The following ASTN2 variants were observed in gnomAD, a reference collection of about 807,000 sequenced individuals.
ASTN2 encodes astrotactin-2.
ASTN2 carries 54 observed loss-of-function variants against 139.8 expected under a neutral mutation model. That is an observed-to-expected ratio of 0.39 (90% CI 0.31 to 0.48). The LOEUF (loss-of-function observed/expected upper bound fraction) is 0.48, where lower values mean the gene tolerates loss of function less well. Among genes scored for constraint, ASTN2 ranks in the 20% least tolerant of loss-of-function variants. The probability of loss-of-function intolerance (pLI) is 0.95; values close to 1 mark genes in which losing one functional copy is unlikely to be tolerated. For missense variants in ASTN2, 1,565 were observed against 1,725.1 expected (o/e 0.91, Z 1.64); for synonymous variants, 756 against 719.5 (o/e 1.05, Z -0.81).
At chr9:117,170,528 G>T (rs1052144786) in intron 3 of ASTN2, among the ~76,000 whole-genome samples, 5 of 152,086 alleles carry the variant, frequency 3.3e-5, no homozygotes, top group Admixed American at 6.6e-5. Context: ...TAAAATATAA[G>T]CTTTGTCAGA....
At chr9:116,585,192 A>C (rs1020276083) in intron 19 of ASTN2, 5 of 152,220 alleles carry the variant, frequency 3.3e-5, no homozygotes, top group Admixed American at 6.5e-5. Context: ...GCAAGGACTC[A>C]GATAGACCTG....
Position 117,214,437 on chromosome 9 carries a change from G to A in ASTN2, c.936C>T (p.Asp312=), listed in dbSNP as rs757483065. The change falls in exon 3 of 23, where the codon GAC becomes GAT. Residue 312 remains aspartate, a synonymous_variant. Transcript: ENST00000313400. ...PRRANHVSRE[D]EFGSQVTHTL... ...TGTGGGTCACCTGGCTGCCAAACTCGTCCTCGCGGGAGACATGGTTGGCCC... is the reference window on the plus strand; with the variant it reads ...TGTGGGTCACCTGGCTGCCAAACTCATCCTCGCGGGAGACATGGTTGGCCC... 28 of 1,613,922 alleles carry A rather than the reference G, an allele frequency of 1.7e-5. No homozygotes were observed. The highest frequency in any genetic ancestry group is 1.1e-4 in the East Asian group (5 of 44,872).
Position 117,203,104 on chromosome 9 carries a change from C to A in ASTN2, c.1015+11254G>T, listed in dbSNP as rs550123473. Among the ~76,000 whole-genome samples the A allele has an allele frequency of 4.0e-5, 6 of 151,328 alleles. No homozygotes were observed. The South Asian group carries it at 1.3e-3, about 32-fold the overall frequency. ...TAAGGTTGTCATCAAACTCTGATAT[C>A]CTTTCTTCTGCTTGGTTGATTTGGC... is the stretch of plus-strand genomic sequence containing the variant. On this transcript the variant is annotated intron_variant, in intron 3 of 22. Transcript: ENST00000313400.
chr9:116,688,794 G>C (rs1267874334), intron 16 of ASTN2, among the ~76,000 whole-genome samples: 4 of 152,056 alleles, frequency 2.6e-5, no homozygotes, highest in Non-Finnish European at 4.4e-5. Context: ...TCCTATATAA[G>C]ATCCATTACA....
chr9:116,703,633 G>A (rs573386768), intron 16 of ASTN2, among the ~76,000 whole-genome samples: 1 of 151,646 alleles, frequency 6.6e-6, no homozygotes, highest in African/African-American at 2.4e-5. Context: ...GCTAGATGAC[G>A]AGTTAGTGGG....
At chr9:117,292,725 C>A (rs778222912) in intron 1 of ASTN2, among the ~76,000 whole-genome samples, 1 of 152,066 alleles carries the variant, frequency 6.6e-6, no homozygotes, top group African/African-American at 2.4e-5. Flanking sequence ...CACACACACA[C>A]GAGGAGAGCT....
intron 1 of ASTN2, among the ~76,000 whole-genome samples, chr9:117,382,659 G>T (rs979458755): frequency 6.6e-6 from 1 of 152,206 alleles, no homozygotes; most frequent in African/African-American, 2.4e-5. Flanking sequence ...AGTAGTGACT[G>T]CTTTGGAGCA....
chr9:117,230,116 TAA>T (rs11336686), intron 2 of ASTN2, among the ~76,000 whole-genome samples: 20,239 of 138,338 alleles, frequency 0.15, 1,778 homozygotes, highest in African/African-American at 0.26. Context: ...GACTCTATCT[TAA>T]AAAAAAAAAA....
intron 10 of ASTN2, among the ~76,000 whole-genome samples, chr9:116,947,149 A>G (rs13288277): frequency 0.016 from 2,493 of 152,204 alleles, 28 homozygotes; most frequent in Non-Finnish European, 0.026. Flanking sequence ...TGGTTTTAGA[A>G]TCTGACAGTT....
intron 19 of ASTN2, among the ~76,000 whole-genome samples, chr9:116,614,810 TG>T (rs545246046): frequency 1.1e-4 from 16 of 152,272 alleles, no homozygotes; most frequent in Middle Eastern, 3.4e-3. Flanking sequence ...GCCATAGGCA[TG>T]GGCAAGGATT....
chr9:117,361,351 C>T (rs541105436), intron 1 of ASTN2, among the ~76,000 whole-genome samples: 3 of 152,092 alleles, frequency 2.0e-5, no homozygotes, highest in Admixed American at 6.6e-5. Flanking sequence ...TGCATGGGGT[C>T]GTGTAGGGCC....
intron 3 of ASTN2, among the ~76,000 whole-genome samples, chr9:117,147,721 T>C (rs545633904): frequency 6.6e-6 from 1 of 152,314 alleles, no homozygotes; most frequent in South Asian, 2.1e-4. Context: ...TAATAATTTC[T>C]GTTCAGAGAT....
chr9:117,158,403 G>C lies in ASTN2; in HGVS notation c.1016-16925C>G, dbSNP rs549428713. Among the ~76,000 whole-genome samples the C allele has an allele frequency of 3.0e-4, 46 of 152,178 alleles. No individual in the cohort carries two copies. The South Asian group carries it at 9.1e-3, about 30-fold the overall frequency. On this transcript the variant is annotated intron_variant, in intron 3 of 22. Transcript: ENST00000313400. ...GCATTCTAATTTTCCCATTTGGAAT[G>C]CTATATAAGTATGATTTGAGAGTTA...
intron 7 of ASTN2, among the ~76,000 whole-genome samples, chr9:116,990,740 T>C (rs1836828732): frequency 6.6e-6 from 1 of 152,196 alleles, no homozygotes; most frequent in Non-Finnish European, 1.5e-5. Context: ...CTCTCATTCT[T>C]TTACAAAACA....
At position 116,830,791 on chromosome 9, in the gene ASTN2, C is replaced by CAA. The variant is rs35912144; in HGVS notation, c.2041-10010_2041-10009dup. 8.2e-3 allele frequency among the ~76,000 whole-genome samples: 794 copies of CAA among 97,008 alleles called. 7 individuals carry two copies. The highest frequency in any genetic ancestry group is 0.012 in the Non-Finnish European group (562 of 45,754). The allele number at this position is 97,008 out of a possible 152,430, so 63.6% of individuals were successfully genotyped here. ...TGGGCAACAGAGTGAGACCCTATGT[C>CAA]AAAAAAAAAAAAAAGAAGAAGAAGA... On this transcript the variant is annotated intron_variant, in intron 11 of 22. Coordinates refer to ENST00000313400, the MANE Select transcript of ASTN2 (RefSeq NM_001365068.1).
intron 20 of ASTN2, among the ~76,000 whole-genome samples, chr9:116,463,662 G>A (rs954626771): frequency 2.6e-5 from 4 of 152,136 alleles, no homozygotes; most frequent in African/African-American, 9.7e-5. Flanking sequence ...TATAGTTTTA[G>A]TATGGAAAAG....
intron 16 of ASTN2, among the ~76,000 whole-genome samples, chr9:116,696,074 T>G (rs1300577734): frequency 6.6e-6 from 1 of 152,140 alleles, no homozygotes; most frequent in Admixed American, 6.5e-5. Context: ...CCGTCTTCTC[T>G]GATGTTTCCC....
At chr9:116,739,423 G>C (rs566136821) in intron 13 of ASTN2, among the ~76,000 whole-genome samples, 8 of 152,108 alleles carry the variant, frequency 5.3e-5, no homozygotes, top group African/African-American at 1.9e-4. Context: ...TCCTTTTCTG[G>C]GGCATGCTCC....
chr9:117,337,647 T>A (rs564957128), intron 1 of ASTN2, among the ~76,000 whole-genome samples: 3 of 152,188 alleles, frequency 2.0e-5, no homozygotes, highest in African/African-American at 7.2e-5. Flanking sequence ...TTTGAATTTT[T>A]ACTGCTGGGA....
Sources: gnomAD v4.1 joint callset for allele counts (sites outside exome capture counted in the v4.1 genomes callset) on GRCh38, gnomAD v4.1.1 for gene constraint, MANE v1.5 for transcripts, NCBI Gene and HGNC (gene_info 2026-07-23, HGNC 2026-07-21) for gene names.